FHIP1A: variants seen among roughly 807,000 people sequenced by gnomAD.
FHIP1A encodes FHF complex subunit HOOK-interacting protein 1A.
FHIP1A carries 61 observed loss-of-function variants against 88.6 expected under a neutral mutation model. The observed-to-expected ratio is 0.69, with a 90% CI of 0.56 to 0.85. FHIP1A has a LOEUF of 0.85. Among genes scored for constraint, FHIP1A ranks in the 40% least tolerant of loss-of-function variants. The pLI, the probability that FHIP1A is intolerant of heterozygous loss-of-function variation, is 0.00. For missense variants in FHIP1A, 1,154 were observed against 1,273.5 expected (o/e 0.91, Z 1.43); for synonymous variants, 478 against 496.0 (o/e 0.96, Z 0.48).
chr4:151,597,170 C>T (rs532508347), intron 7 of FHIP1A, among the ~76,000 whole-genome samples: 1 of 152,206 alleles, frequency 6.6e-6, no homozygotes, highest in South Asian at 2.1e-4. Flanking sequence ...GATTTATCTA[C>T]CTTTGGTTTT....
chr4:151,666,191 G>A lies in FHIP1A; in HGVS notation c.*3437G>A, dbSNP rs1366128230. 6.6e-6 allele frequency among the ~76,000 whole-genome samples: 1 copy of A among 152,208 alleles called. No individual in the cohort carries two copies. On this transcript the variant is annotated 3_prime_UTR_variant, in exon 14 of 14. Coordinates refer to ENST00000435205, the MANE Select transcript of FHIP1A (RefSeq NM_001109977.3). ...ACAAAGAAATTCCAACTTAGGTTCA[G>A]CCTAAAACATAATTTCATGGGTGGT...
At chr4:151,432,665 G>C (rs1461539414) in intron 1 of FHIP1A, among the ~76,000 whole-genome samples, 2 of 152,190 alleles carry the variant, frequency 1.3e-5, no homozygotes, top group Admixed American at 6.5e-5. Context: ...ATCAATGTAT[G>C]AACAAAGTGT....
In FHIP1A at chr4:151,646,832, G is replaced by A. The variant is rs980939393; in HGVS notation, c.1417+84G>A. On this transcript the variant is annotated intron_variant, in intron 10 of 13. Transcript: ENST00000435205. ...GGATATGTGTCCCTTTGGGTAGACAGGGAATTATGTGGTGGGTCCCATTTC... is the reference window on the plus strand; with the variant it reads ...GGATATGTGTCCCTTTGGGTAGACAAGGAATTATGTGGTGGGTCCCATTTC... 17 of 916,798 alleles carry A rather than the reference G, an allele frequency of 1.9e-5. No individual in the cohort carries two copies. In the African/African-American group the frequency reaches 2.7e-4, roughly 14 times the overall value. 56.8% of individuals were successfully genotyped at this position (916,798 alleles called of 1,614,324 possible). A position where few individuals can be genotyped will look rare whatever the true frequency, so the allele number is the denominator to read the frequency against.
In FHIP1A at chr4:151,661,622, G is replaced by T. The variant is rs981898146; in HGVS notation, c.2870-879G>T. Among the ~76,000 whole-genome samples the T allele has an allele frequency of 2.6e-5, 4 of 152,024 alleles. No homozygotes were observed. In the East Asian group the frequency reaches 7.7e-4, roughly 29 times the overall value. On this transcript the variant is annotated intron_variant, in intron 13 of 13. Transcript: ENST00000435205. ...ATTGTTTGGGTAGGGGGCAGAGGAA[G>T]ACATAAATAATTCCTACAAATATAT...
chr4:151,418,589 G>C (rs537733275), intron 1 of FHIP1A, among the ~76,000 whole-genome samples: 18 of 152,302 alleles, frequency 1.2e-4, no homozygotes, highest in African/African-American at 4.3e-4. Context: ...TCAACCTGCT[G>C]TTCTGAGTTT....
At chr4:151,520,519 A>C (rs1273375254) in intron 3 of FHIP1A, among the ~76,000 whole-genome samples, 1 of 152,100 alleles carries the variant, frequency 6.6e-6, no homozygotes, top group Non-Finnish European at 1.5e-5. Flanking sequence ...TAAGTTTATA[A>C]TTTTTTATTA....
Position 151,588,890 on chromosome 4 carries a change from AT to A in FHIP1A, c.947del (p.Leu316TrpfsTer12), listed in dbSNP as rs1428270484. The A allele has an allele frequency of 1.9e-6, 3 of 1,551,346 alleles. No homozygotes were observed. The highest frequency in any genetic ancestry group is 2.7e-5 in the African/African-American group (2 of 73,124). On this transcript the variant is annotated frameshift_variant, in exon 7 of 14. Coordinates refer to ENST00000435205, the MANE Select transcript of FHIP1A (RefSeq NM_001109977.3). LOFTEE classifies it high-confidence loss of function. ...AGCTTGTCAATTACATTTACAATGG[AT>A]TTTTGGTACCAGTCTTGGCTCCTGC... ...NQLVNYIYNG[F>X]LVPVLAPALH...
chr4:151,646,588 G>C lies in FHIP1A; in HGVS notation c.1257G>C (p.Leu419=), dbSNP rs1736802750. The C allele has an allele frequency of 6.4e-7, 1 of 1,551,576 alleles. No individual in the cohort carries two copies. Among genetic ancestry groups the C allele is most frequent in the Non-Finnish European group, 8.7e-7 (1 of 1,146,920 alleles). ...TGATCCCCTGCAATCACATGATGCTGAGTCAGAGGTGGGCTGTGAAGGAGA... is the reference window on the plus strand; with the variant it reads ...TGATCCCCTGCAATCACATGATGCTCAGTCAGAGGTGGGCTGTGAAGGAGA... The part of the protein sequence containing the change: ...RYLIPCNHMM[L]SQRWAVKERD... The change falls in exon 10 of 14, where the codon CTG becomes CTC. Residue 419 remains leucine (L), a synonymous_variant. Transcript: ENST00000435205.
intron 10 of FHIP1A, 78 bp from the exon 11 acceptor site, chr4:151,649,381 C>G: frequency 7.8e-6 from 8 of 1,024,156 alleles, no homozygotes; most frequent in Non-Finnish European, 1.1e-5. Flanking sequence ...CAGTCTTAGC[C>G]CGAATGGGTC....
chr4:151,534,240 T>C (rs537363213), intron 3 of FHIP1A, among the ~76,000 whole-genome samples: 94 of 152,314 alleles, frequency 6.2e-4, no homozygotes, highest in African/African-American at 2.2e-3. Flanking sequence ...GAAAAGAGGA[T>C]TGAAATAGCA....
chr4:151,609,821 A>C (rs186846636), intron 7 of FHIP1A, among the ~76,000 whole-genome samples: 2 of 152,220 alleles, frequency 1.3e-5, no homozygotes, highest in African/African-American at 4.8e-5. Flanking sequence ...ACCTTGGCCT[A>C]CAGCCAACTT....
intron 3 of FHIP1A, among the ~76,000 whole-genome samples, chr4:151,527,331 G>T (rs914382259): frequency 6.6e-6 from 1 of 152,196 alleles, no homozygotes; most frequent in African/African-American, 2.4e-5. Context: ...AGACCAGCCC[G>T]GCCAACACAG....
chr4:151,543,792 G>T (rs1732385576), intron 3 of FHIP1A, among the ~76,000 whole-genome samples: 1 of 151,790 alleles, frequency 6.6e-6, no homozygotes, highest in South Asian at 2.1e-4. Flanking sequence ...TGGACATATT[G>T]TTTCCTTCTA....
rs1339600884 is a variant in FHIP1A, at chr4:151,665,401, G to C, written c.*2647G>C. 6.6e-6 allele frequency among the ~76,000 whole-genome samples: 1 copy of C among 152,192 alleles called. No homozygotes were observed. Among genetic ancestry groups the C allele is most frequent in the Non-Finnish European group, 1.5e-5 (1 of 68,048 alleles). ...ACACGATAACACTAACTTCCTATTT[G>C]GATTTGGAAACTGGTTCCTGTTTCT... On this transcript the variant is annotated 3_prime_UTR_variant, in exon 14 of 14. Coordinates refer to ENST00000435205, the MANE Select transcript of FHIP1A (RefSeq NM_001109977.3).
In FHIP1A at chr4:151,537,759, G is replaced by T. The variant is rs192851749; in HGVS notation, c.-122-28379G>T. Among the ~76,000 whole-genome samples, 220 of 152,212 alleles carry T rather than the reference G, an allele frequency of 1.4e-3. 5 individuals are homozygous for T. Among genetic ancestry groups the T allele is most frequent in the Non-Finnish European group, 1.5e-3 (99 of 67,996 alleles). On this transcript the variant is annotated intron_variant, in intron 3 of 13. Transcript: ENST00000435205. ...CTTGAGGTAACTGTGTTAGAAATTG[G>T]GTTGGAATATCCTTTGTTTTGTTAA...
At chr4:151,507,385 A>C (rs891266594) in intron 3 of FHIP1A, among the ~76,000 whole-genome samples, 1 of 152,200 alleles carries the variant, frequency 6.6e-6, no homozygotes, top group Non-Finnish European at 1.5e-5. Flanking sequence ...TGGCCTCCCA[A>C]AGTGCTAGGA....
At chr4:151,583,704 A>G (rs914821257) in intron 5 of FHIP1A, among the ~76,000 whole-genome samples, 3 of 152,196 alleles carry the variant, frequency 2.0e-5, no homozygotes, top group Admixed American at 6.5e-5. Flanking sequence ...TCTGTGGTTA[A>G]TTTAGCATGA....
intron 2 of FHIP1A, among the ~76,000 whole-genome samples, chr4:151,480,130 T>C (rs1246529813): frequency 6.6e-6 from 1 of 152,088 alleles, no homozygotes; most frequent in Admixed American, 6.6e-5. Context: ...GTTCTTTCAA[T>C]TTACTTGAAT....
intron 7 of FHIP1A, among the ~76,000 whole-genome samples, chr4:151,595,714 T>G (rs902642106): frequency 2.6e-5 from 4 of 152,252 alleles, no homozygotes; most frequent in Non-Finnish European, 5.9e-5. Flanking sequence ...TACTACTTTA[T>G]TGGGTGCATA....
Sources: gnomAD v4.1 joint callset for allele counts (sites outside exome capture counted in the v4.1 genomes callset) on GRCh38, gnomAD v4.1.1 for gene constraint, MANE v1.5 for transcripts, NCBI Gene and HGNC (gene_info 2026-07-23, HGNC 2026-07-21) for gene names.